SCAMP1: variants seen among roughly 807,000 people sequenced by gnomAD.
SCAMP1 encodes the protein secretory carrier membrane protein 1, also known as secretory carrier-associated membrane protein 1.
A neutral mutation model predicts 41.8 loss-of-function variants in SCAMP1; 15 were observed. That is an observed-to-expected ratio of 0.36 (90% CI 0.24 to 0.55). The LOEUF is 0.55. Ranked by LOEUF, SCAMP1 falls within the 20% of genes least tolerant of loss-of-function variation. The pLI is 0.86. For missense variants in SCAMP1, 341 were observed against 412.6 expected (o/e 0.83, Z 1.50); for synonymous variants, 135 against 136.8 (o/e 0.99, Z 0.09).
chr5:78,400,015 C>G (rs1323806605), intron 2 of SCAMP1, among the ~76,000 whole-genome samples: 1 of 152,158 alleles, frequency 6.6e-6, no homozygotes, highest in Non-Finnish European at 1.5e-5. Flanking sequence ...GTCTTGAACT[C>G]TTAAGCTCAA....
chr5:78,424,166 GCGCCC>G (rs1752409423), intron 6 of SCAMP1, among the ~76,000 whole-genome samples: 1 of 152,030 alleles, frequency 6.6e-6, no homozygotes, highest in Non-Finnish European at 1.5e-5. Context: ...ATGAGCCACT[GCGCCC>G]AGCCTCGAGA....
intron 2 of SCAMP1, among the ~76,000 whole-genome samples, chr5:78,391,546 C>G (rs930454852): frequency 6.6e-6 from 1 of 151,848 alleles, no homozygotes; most frequent in Non-Finnish European, 1.5e-5. Context: ...CGGAGGGGCT[C>G]TTCACTTCTC....
At chr5:78,406,384 A>G (rs1256997400) in intron 2 of SCAMP1, among the ~76,000 whole-genome samples, 2 of 152,120 alleles carry the variant, frequency 1.3e-5, no homozygotes, top group Non-Finnish European at 1.5e-5. Flanking sequence ...TGGTTTAGAG[A>G]TGGAAGAGAA....
At position 78,361,048 on chromosome 5, in the gene SCAMP1, C is replaced by A. The variant is rs1750633977; in HGVS notation, c.57+320C>A. ...TGGCCCGCCTCTCAGGAGAGAAAGC[C>A]GAGGGCAGGTAGAGTCGCCCCTTGC... On this transcript the variant is annotated intron_variant, in intron 1 of 8. Transcript: ENST00000621999. 1.5e-5 allele frequency: 4 copies of A among 275,036 alleles called. No individual in the cohort carries two copies. In the East Asian group the frequency reaches 3.1e-4, roughly 21 times the overall value. The allele number at this position is 275,036 out of a possible 1,614,324, so 17.0% of individuals were successfully genotyped here. A position where few individuals can be genotyped will look rare whatever the true frequency, so the allele number is the denominator to read the frequency against.
At chr5:78,467,608 T>C (rs1267741334) in intron 8 of SCAMP1, among the ~76,000 whole-genome samples, 2 of 152,200 alleles carry the variant, frequency 1.3e-5, no homozygotes, top group Non-Finnish European at 2.9e-5. Flanking sequence ...TACCTCATAG[T>C]TAAAGAAGTT....
intron 6 of SCAMP1, among the ~76,000 whole-genome samples, chr5:78,422,932 G>T (rs1202325346): frequency 1.3e-5 from 2 of 152,014 alleles, no homozygotes; most frequent in Non-Finnish European, 2.9e-5. Context: ...GAAATTAGAG[G>T]CCCACATTTA....
intron 2 of SCAMP1, among the ~76,000 whole-genome samples, chr5:78,410,732 A>T (rs1752055092): frequency 6.6e-6 from 1 of 152,200 alleles, no homozygotes; most frequent in Non-Finnish European, 1.5e-5. Flanking sequence ...ACTGTCTTCC[A>T]CAGTGGTTGA....
At chr5:78,415,485 G>C in intron 2 of SCAMP1, 35 bp from the exon 3 acceptor site, 1 of 1,285,384 alleles carries the variant, frequency 7.8e-7, no homozygotes, top group East Asian at 2.4e-5. Context: ...TTGGATCTCT[G>C]TGTTACATAA....
At chr5:78,360,956 C>T in intron 1 of SCAMP1, 1 of 538,612 alleles carries the variant, frequency 1.9e-6, no homozygotes. Flanking sequence ...GTCGCCCTTC[C>T]ACACGTCCCC....
chr5:78,398,541 ATTTTTTTTTTTTTTT>A (rs57209214), intron 2 of SCAMP1, among the ~76,000 whole-genome samples: 2 of 44,226 alleles, frequency 4.5e-5, no homozygotes, highest in Non-Finnish European at 8.4e-5. Flanking sequence ...AAGGTTCACT[ATTTTTTTTTTTTTTT>A]TTTTTTTTTT....
At chr5:78,400,783 T>C in intron 2 of SCAMP1, among the ~76,000 whole-genome samples, 1 of 152,232 alleles carries the variant, frequency 6.6e-6, no homozygotes. Flanking sequence ...ATGATCTTGT[T>C]ATCTGTGAAC....
intron 6 of SCAMP1, among the ~76,000 whole-genome samples, chr5:78,424,265 T>C (rs1489974135): frequency 3.3e-5 from 5 of 152,252 alleles, no homozygotes; most frequent in Admixed American, 3.3e-4. Flanking sequence ...GGCATTTCCT[T>C]ATATTGATAT....
intron 6 of SCAMP1, among the ~76,000 whole-genome samples, chr5:78,446,657 ATAGGAT>A: frequency 6.6e-6 from 1 of 152,194 alleles, no homozygotes; most frequent in African/African-American, 2.4e-5. Flanking sequence ...TGAGTCATAC[ATAGGAT>A]TTCTATTCAG....
chr5:78,371,295 G>A (rs1036601947), intron 1 of SCAMP1, among the ~76,000 whole-genome samples: 1 of 152,120 alleles, frequency 6.6e-6, no homozygotes, highest in Non-Finnish European at 1.5e-5. Context: ...AGTTTTAGCT[G>A]TTGAATTTAG....
intron 8 of SCAMP1, among the ~76,000 whole-genome samples, chr5:78,472,782 A>G (rs1007482664): frequency 6.6e-6 from 1 of 152,174 alleles, no homozygotes; most frequent in East Asian, 1.9e-4. Flanking sequence ...TGTGAAGCCC[A>G]TGAACACATA....
chr5:78,474,767 A>G (rs563134118), intron 8 of SCAMP1, among the ~76,000 whole-genome samples: 1 of 152,282 alleles, frequency 6.6e-6, no homozygotes, highest in South Asian at 2.1e-4. Flanking sequence ...TCCTTCTTCA[A>G]ATTTGTGTTA....
chr5:78,467,378 A>G (rs1001429838), intron 8 of SCAMP1, among the ~76,000 whole-genome samples: 9 of 152,194 alleles, frequency 5.9e-5, no homozygotes, highest in Non-Finnish European at 1.0e-4. Flanking sequence ...TAGCTGTTCT[A>G]TAATGAACTA....
At chr5:78,428,271 G>A (rs1752516213) in intron 6 of SCAMP1, among the ~76,000 whole-genome samples, 1 of 152,100 alleles carries the variant, frequency 6.6e-6, no homozygotes, top group South Asian at 2.1e-4. Context: ...TCTTTTTGCT[G>A]TGGATATCCA....
chr5:78,363,099 G>A (rs1266496191), intron 1 of SCAMP1, among the ~76,000 whole-genome samples: 5 of 150,924 alleles, frequency 3.3e-5, no homozygotes, highest in African/African-American at 9.8e-5. Context: ...TCATTGTATT[G>A]GCCAGGCTGG....
Sources: allele counts gnomAD v4.1 joint callset (sites outside exome capture counted in the v4.1 genomes callset), GRCh38; gene constraint gnomAD v4.1.1; transcripts MANE v1.5; gene names NCBI Gene and HGNC (gene_info 2026-07-23, HGNC 2026-07-21).